Variants in SRRM2 observed in about 807,000 individuals in gnomAD.
The protein encoded by SRRM2 is serine/arginine repetitive matrix 2, also known as serine/arginine repetitive matrix protein 2.
SRRM2 carries 30 observed loss-of-function variants against 213.8 expected under a neutral mutation model. That is an observed-to-expected ratio of 0.14 (90% CI 0.10 to 0.19). The LOEUF is 0.19. SRRM2 is among the 10% of genes least tolerant of loss of function. The pLI is 1.00. For missense variants in SRRM2, 4,904 were observed against 3,647.0 expected (o/e 1.34, Z -8.88); for synonymous variants, 2,025 against 1,377.7 (o/e 1.47, Z -10.40).
chr16:2,767,230 A>G lies in SRRM2; in HGVS notation c.6702A>G (p.Ala2234=). The change falls in exon 11 of 15, where the codon GCA becomes GCG. Residue 2234 remains alanine, a synonymous_variant. Coordinates refer to ENST00000301740, the MANE Select transcript of SRRM2 (RefSeq NM_016333.4). ...CCAACCTTGCCAGCAGGATTCCTGC[A>G]GCCTCTGCGGCAGCCATGAACCTAG... is the stretch of plus-strand genomic sequence containing the variant. The part of the protein sequence containing the change: ...PAANLASRIP[A]ASAAAMNLAS... The G allele has an allele frequency of 3.1e-6, 5 of 1,614,188 alleles. No homozygotes were observed. Among genetic ancestry groups the G allele is most frequent in the Non-Finnish European group, 4.2e-6 (5 of 1,180,042 alleles).
Position 2,764,303 on chromosome 16 carries a change from G to A in SRRM2, c.3775G>A (p.Glu1259Lys). 1 of 1,614,092 alleles carries A rather than the reference G, an allele frequency of 6.2e-7. No homozygotes were observed. The highest frequency in any genetic ancestry group is 1.1e-5 in the South Asian group (1 of 91,036). Residue 1259 changes from glutamate (E) to lysine (K), a missense_variant, in exon 11 of 15, where the codon GAA (glutamate) becomes AAA (lysine). Glu to Lys is a moderately conservative substitution (Grantham distance 56, BLOSUM62 1). Transcript: ENST00000301740. ...CCAAATCCTGTCTCATTTGTCTTCA[G>A]AACTTAAAGAAATGTCCACAAGTAA... ...AGQILSHLSS[E>K]LKEMSTSNFE... is the part of the protein sequence containing the mutation.
At chr16:2,761,417 C>T in intron 10 of SRRM2, 144 bp from the exon 11 acceptor site, 1 of 598,720 alleles carries the variant, frequency 1.7e-6, no homozygotes, top group Non-Finnish European at 2.7e-6. Context: ...TATATGATTC[C>T]TTGTTATTGA....
chr16:2,770,734 G>A lies in SRRM2; in HGVS notation c.8249+17G>A, dbSNP rs200336915. On this transcript the variant is annotated intron_variant, in intron 14 of 14. Coordinates refer to ENST00000301740, the MANE Select transcript of SRRM2 (RefSeq NM_016333.4). ...CTCCTCCAGGTGCGTGTCCTGGAAG[G>A]CTGATGCCCCCTTCCGGGAGCCAGT... 6.8e-5 allele frequency: 108 copies of A among 1,579,104 alleles called. No homozygotes were observed. The highest frequency in any genetic ancestry group is 3.3e-4 in the Middle Eastern group (2 of 6,016).
chr16:2,767,944 T>C lies in SRRM2; in HGVS notation c.7416T>C (p.Ser2472=). The change falls in exon 11 of 15, where the codon TCT becomes TCC. Residue 2472 remains serine, a synonymous_variant. Coordinates refer to ENST00000301740, the MANE Select transcript of SRRM2 (RefSeq NM_016333.4). ...CCCAGACCACCCCTGTAGCAGGGTCTCAGTCCCTTTCCTCTGGGGCAGTGG... is the reference window on the plus strand; with the variant it reads ...CCCAGACCACCCCTGTAGCAGGGTCCCAGTCCCTTTCCTCTGGGGCAGTGG... ...LIAQTTPVAG[S]QSLSSGAVAT... 6.2e-7 allele frequency: 1 copy of C among 1,614,208 alleles called. No homozygotes were observed. The highest frequency in any genetic ancestry group is 1.1e-5 in the South Asian group (1 of 91,080).
Position 2,765,214 on chromosome 16 carries a change from T to C in SRRM2, c.4686T>C (p.Ser1562=). The C allele has an allele frequency of 1.9e-6, 3 of 1,614,072 alleles. No homozygotes were observed. The highest frequency in any genetic ancestry group is 3.3e-5 in the Admixed American group (2 of 60,012). The change falls in exon 11 of 15, where the codon TCT becomes TCC. Residue 1562 remains serine, a synonymous_variant. Coordinates refer to ENST00000301740, the MANE Select transcript of SRRM2 (RefSeq NM_016333.4). The stretch of plus-strand genomic sequence containing the variant: ...AGGAAAGAAGTGAGTCAGACTCTTC[T>C]CCAGATTCTAAAGCCAAGACAAGAA... ...SPQERSESDS[S]PDSKAKTRTP...
At position 2,766,419 on chromosome 16, in the gene SRRM2, C is replaced by T; in HGVS notation, c.5891C>T (p.Pro1964Leu). Residue 1964 changes from proline (P) to leucine (L), a missense_variant, in exon 11 of 15, where the codon CCA becomes CTA. Physicochemically the swap from Pro to Leu is moderately conservative, Grantham distance 98 (BLOSUM62 -3). Transcript: ENST00000301740. The surrounding 1 kb of genome is among the most constrained non-coding windows in gnomAD (Gnocchi z 7.0). ...AGAAGGTCCAGATCCAGGACTCCAC[C>T]AGTAACCAGGAGGCGATCTCGAAGC... Reference protein sequence around the residue: ...TRRRSRSRTPPVTRRRSRSRT... With the variant: ...TRRRSRSRTPLVTRRRSRSRT... The T allele has an allele frequency of 6.2e-7, 1 of 1,613,916 alleles. No individual in the cohort carries two copies. Among genetic ancestry groups the T allele is most frequent in the Non-Finnish European group, 8.5e-7 (1 of 1,179,976 alleles).
At position 2,758,620 on chromosome 16, in the gene SRRM2, A is replaced by T. The variant is rs927676373; in HGVS notation, c.593+73A>T. On this transcript the variant is annotated intron_variant, in intron 5 of 14. Coordinates refer to ENST00000301740, the MANE Select transcript of SRRM2 (RefSeq NM_016333.4). ...GGTGTACCTTTCTCTCTGGAAGTGGACAGTTCTGGCTTCCACAAAGCAGGA... is the reference window on the plus strand; with the variant it reads ...GGTGTACCTTTCTCTCTGGAAGTGGTCAGTTCTGGCTTCCACAAAGCAGGA... The T allele has an allele frequency of 1.4e-5, 20 of 1,445,166 alleles. No homozygotes were observed. The African/African-American group carries it at 2.8e-4, about 20-fold the overall frequency. 89.5% of individuals were successfully genotyped at this position (1,445,166 alleles called of 1,614,324 possible). A position where few individuals can be genotyped will look rare whatever the true frequency, so the allele number is the denominator to read the frequency against.
At position 2,763,579 on chromosome 16, in the gene SRRM2, C is replaced by T. The variant is rs1487518724; in HGVS notation, c.3051C>T (p.Pro1017=). 9.3e-6 allele frequency: 15 copies of T among 1,614,004 alleles called. No homozygotes were observed. The highest frequency in any genetic ancestry group is 2.2e-5 in the East Asian group (1 of 44,900). Residue 1017 remains proline (P), a synonymous_variant, in exon 11 of 15, where the codon CCC becomes CCT. Coordinates refer to ENST00000301740, the MANE Select transcript of SRRM2 (RefSeq NM_016333.4). ...TTTCTGGATCAAAGTCACCATGTCCCCAAGAGAAGTCTAAAGACTCACTAG... is the reference window on the plus strand; with the variant it reads ...TTTCTGGATCAAAGTCACCATGTCCTCAAGAGAAGTCTAAAGACTCACTAG... The part of the protein sequence containing the change: ...PSLSGSKSPC[P]QEKSKDSLVQ...
intron 10 of SRRM2, 24 bp from the exon 11 acceptor site, chr16:2,761,537 C>G: frequency 6.8e-7 from 1 of 1,478,412 alleles, no homozygotes; most frequent in Non-Finnish European, 9.0e-7. Context: ...GAATCCCTAT[C>G]CCTGCTCTCT....
At chr16:2,761,495 T>A in intron 10 of SRRM2, 66 bp from the exon 11 acceptor site, 1 of 1,348,206 alleles carries the variant, frequency 7.4e-7, no homozygotes, top group Non-Finnish European at 9.9e-7. Flanking sequence ...GGTGTTGGGA[T>A]CTTAGGGGTG....
In SRRM2 at chr16:2,766,951, C is replaced by T. The variant is rs764390105; in HGVS notation, c.6423C>T (p.Ser2141=). Residue 2141 remains serine, a synonymous_variant, in exon 11 of 15, where the codon AGC becomes AGT. Coordinates refer to ENST00000301740, the MANE Select transcript of SRRM2 (RefSeq NM_016333.4). The surrounding 1 kb of genome is among the most constrained non-coding windows in gnomAD (Gnocchi z 7.0). ...CTGGAATGCTTGAACCCCTTGGCAG[C>T]TCTAGAACACCCATGTCTGTCCTGC... ...RSPGMLEPLG[S]SRTPMSVLQQ... is the part of the protein sequence containing the mutation. The T allele has an allele frequency of 1.9e-6, 3 of 1,614,018 alleles. No individual in the cohort carries two copies. Among genetic ancestry groups the T allele is most frequent in the Admixed American group, 1.7e-5 (1 of 60,004 alleles).
chr16:2,765,419 G>C lies in SRRM2; in HGVS notation c.4891G>C (p.Ala1631Pro). 6.2e-7 allele frequency: 1 copy of C among 1,614,114 alleles called. No homozygotes were observed. The highest frequency in any genetic ancestry group is 8.5e-7 in the Non-Finnish European group (1 of 1,180,028). The change falls in exon 11 of 15, where the codon GCC (alanine) becomes CCC (proline). Residue 1631 changes from alanine to proline, a missense_variant. Physicochemically the swap from Ala to Pro is conservative, Grantham distance 27. Coordinates refer to ENST00000301740, the MANE Select transcript of SRRM2 (RefSeq NM_016333.4). ...TGAACCTAAAGCTCCAGCCCCTCGG[G>C]CCCTTCCCAGACGAAGCAGATCAGG... ...SPEPKAPAPR[A>P]LPRRSRSGSS...
intron 5 of SRRM2, 141 bp from the exon 6 acceptor site, chr16:2,758,844 T>C: frequency 1.1e-6 from 1 of 870,734 alleles, no homozygotes; most frequent in African/African-American, 1.7e-5. Flanking sequence ...AAAGAAGAAA[T>C]AAGTCCTGGG....
Position 2,767,560 on chromosome 16 carries a change from A to G in SRRM2, c.7032A>G (p.Ala2344=), listed in dbSNP as rs1156973803. ...ASANLVGPRS[A]HATAPVNIAG... is the part of the protein sequence containing the mutation. Reference sequence around the variant, plus strand: ...CAAACCTGGTGGGTCCTCGGTCTGCACATGCCACAGCTCCTGTGAATATTG... The same window carrying G: ...CAAACCTGGTGGGTCCTCGGTCTGCGCATGCCACAGCTCCTGTGAATATTG... The change falls in exon 11 of 15, where the codon GCA becomes GCG. Residue 2344 remains alanine, a synonymous_variant. Transcript: ENST00000301740. 6.2e-7 allele frequency: 1 copy of G among 1,614,054 alleles called. No individual in the cohort carries two copies. The highest frequency in any genetic ancestry group is 8.5e-7 in the Non-Finnish European group (1 of 1,180,040).
Position 2,761,981 on chromosome 16 carries a change from C to G in SRRM2, c.1453C>G (p.Arg485Gly). ...CCCCTCCCGTAGGATGGGGAGGTCCCGTAGCCCTGCCACCGCTAAGAGAGG... is the reference window on the plus strand; with the variant it reads ...CCCCTCCCGTAGGATGGGGAGGTCCGGTAGCCCTGCCACCGCTAAGAGAGG... ...HTPSRRMGRS[R>G]SPATAKRGRS... Residue 485 changes from arginine (R) to glycine (G), a missense_variant, in exon 11 of 15, where the codon CGT becomes GGT. Transcript: ENST00000301740. 1 of 1,614,172 alleles carries G rather than the reference C, an allele frequency of 6.2e-7. No individual in the cohort carries two copies. The highest frequency in any genetic ancestry group is 1.1e-5 in the South Asian group (1 of 91,086).
intron 5 of SRRM2, 54 bp downstream of exon 5, chr16:2,758,601 C>T (rs2068232499): frequency 6.5e-7 from 1 of 1,534,416 alleles, no homozygotes. Flanking sequence ...CTGTGGTGTA[C>T]CTTTCTCTCT....
rs1443595693 is a variant in SRRM2 at position 2,765,903 on chromosome 16, G to A, written c.5375G>A (p.Gly1792Glu). The A allele has an allele frequency of 3.7e-6, 6 of 1,614,172 alleles. No individual in the cohort carries two copies. The highest frequency in any genetic ancestry group is 4.5e-5 in the East Asian group (2 of 44,882). The change falls in exon 11 of 15, where the codon GGA (glycine) becomes GAA (glutamate). Residue 1792 changes from glycine to glutamate, a missense_variant. Transcript: ENST00000301740. ...ACAACCCGACGTCGAGATAGGTCTG[G>A]ATCTTCTCAGTCAACCTCTCGGCGA... ...TRTTRRRDRS[G>E]SSQSTSRRRQ...
At position 2,764,934 on chromosome 16, in the gene SRRM2, T is replaced by C. The variant is rs774999030; in HGVS notation, c.4406T>C (p.Ile1469Thr). The change falls in exon 11 of 15, where the codon ATA (isoleucine) becomes ACA (threonine). Residue 1469 changes from isoleucine to threonine, a missense_variant. By Grantham distance (89) the Ile-to-Thr change is moderately conservative. Coordinates refer to ENST00000301740, the MANE Select transcript of SRRM2 (RefSeq NM_016333.4). The stretch of plus-strand genomic sequence containing the variant: ...GGGTCCTCTCCTGGAATGAAAGATA[T>C]ACCTAGAACGCCATCTAGAGGGAGA... ...LSGSSPGMKD[I>T]PRTPSRGRSE... The C allele has an allele frequency of 1.3e-5, 21 of 1,614,102 alleles. No homozygotes were observed. The highest frequency in any genetic ancestry group is 1.6e-4 in the Middle Eastern group (1 of 6,062).
chr16:2,755,054 C>T (rs139381721), intron 1 of SRRM2, among the ~76,000 whole-genome samples: 140 of 152,308 alleles, frequency 9.2e-4, no homozygotes, highest in African/African-American at 2.7e-3. Context: ...TTACTCTCTC[C>T]GCTTTACGTA....
Sources: allele counts gnomAD v4.1 joint callset (sites outside exome capture counted in the v4.1 genomes callset), GRCh38; gene constraint gnomAD v4.1.1; non-coding constraint Gnocchi (gnomAD v3.1); transcripts MANE v1.5; gene names NCBI Gene and HGNC (gene_info 2026-07-23, HGNC 2026-07-21).